Variants in MYOZ2 observed in about 807,000 individuals in gnomAD.
The protein encoded by MYOZ2 is myozenin-2.
A neutral mutation model predicts 25.4 loss-of-function variants in MYOZ2; 19 were observed. That is an observed-to-expected ratio of 0.75 (90% confidence interval 0.52 to 1.10). The LOEUF (loss-of-function observed/expected upper bound fraction) is 1.10. Ranked by LOEUF, MYOZ2 falls within the 50% of genes least tolerant of loss-of-function variation. The pLI is 0.00. For missense variants in MYOZ2, 270 were observed against 317.9 expected, an observed-to-expected ratio of 0.85 and a Z score of 1.15; for synonymous variants, 92 against 106.9, an observed-to-expected ratio of 0.86 and a Z score of 0.86.
In MYOZ2 at chr4:119,136,523, A is replaced by G. The variant is rs372377840; in HGVS notation, c.-3A>G. On this transcript the variant is annotated 5_prime_UTR_variant, in exon 2 of 6. Transcript: ENST00000307128. ...TTTGTTTTTAACAGGGAACAAAAAA[A>G]CCATGCTATCACATAATACTATGAT... 5 of 1,613,284 alleles carry G rather than the reference A, an allele frequency of 3.1e-6. No homozygotes were observed.
At chr4:119,146,585 C>G (rs1014091570) in intron 2 of MYOZ2, among the ~76,000 whole-genome samples, 3 of 152,052 alleles carry the variant, frequency 2.0e-5, no homozygotes, top group Admixed American at 2.0e-4. Flanking sequence ...GTGATCAGCG[C>G]TAACAATCTG....
chr4:119,140,718 T>C (rs1741143655), intron 2 of MYOZ2, among the ~76,000 whole-genome samples: 1 of 152,228 alleles, frequency 6.6e-6, no homozygotes, highest in Non-Finnish European at 1.5e-5. Flanking sequence ...TTCACTCAAA[T>C]ATGTTTTAGA....
At chr4:119,156,015 T>C (rs1741566001) in intron 3 of MYOZ2, among the ~76,000 whole-genome samples, 1 of 152,124 alleles carries the variant, frequency 6.6e-6, no homozygotes, top group Admixed American at 6.6e-5. Context: ...AAAAGACATA[T>C]GGGCAAAATG....
intron 2 of MYOZ2, among the ~76,000 whole-genome samples, chr4:119,145,220 T>G (rs1166862232): frequency 6.6e-6 from 1 of 152,180 alleles, no homozygotes; most frequent in Admixed American, 6.5e-5. Flanking sequence ...GCTCATGATA[T>G]AAAATTCTTT....
intron 3 of MYOZ2, among the ~76,000 whole-genome samples, chr4:119,152,759 G>C (rs1741482012): frequency 6.6e-6 from 1 of 151,976 alleles, no homozygotes; most frequent in East Asian, 1.9e-4. Flanking sequence ...AAAGCAATAA[G>C]CAATAATAAT....
At chr4:119,174,293 G>T (rs1375793611) in intron 5 of MYOZ2, among the ~76,000 whole-genome samples, 1 of 152,156 alleles carries the variant, frequency 6.6e-6, no homozygotes, top group African/African-American at 2.4e-5. Flanking sequence ...CTAGCTCAGG[G>T]ATTGTAAATG....
intron 3 of MYOZ2, among the ~76,000 whole-genome samples, chr4:119,151,302 G>A (rs1741445874): frequency 6.6e-6 from 1 of 152,158 alleles, no homozygotes. Context: ...CCACTAAGAG[G>A]AGGGAGAGGG....
chr4:119,142,343 A>C (rs986209947), intron 2 of MYOZ2, among the ~76,000 whole-genome samples: 3 of 152,216 alleles, frequency 2.0e-5, no homozygotes, highest in African/African-American at 7.2e-5. Context: ...TGAACTTGCT[A>C]TTTTGAATCC....
At chr4:119,169,228 G>A (rs1331232404) in intron 5 of MYOZ2, among the ~76,000 whole-genome samples, 1 of 152,210 alleles carries the variant, frequency 6.6e-6, no homozygotes, top group Non-Finnish European at 1.5e-5. Context: ...ATAGATAGTT[G>A]ATGGACTACA....
chr4:119,148,892 G>T (rs1447159718), intron 2 of MYOZ2, among the ~76,000 whole-genome samples: 4 of 151,018 alleles, frequency 2.6e-5, no homozygotes, highest in Non-Finnish European at 4.4e-5. Flanking sequence ...TAATATCTCA[G>T]TCATCCCAGT....
At chr4:119,164,987 T>C (rs918359918) in intron 5 of MYOZ2, among the ~76,000 whole-genome samples, 2 of 151,690 alleles carry the variant, frequency 1.3e-5, no homozygotes, top group Non-Finnish European at 1.5e-5. Context: ...ATAATTTCCA[T>C]GGATATTTTG....
intron 5 of MYOZ2, among the ~76,000 whole-genome samples, chr4:119,175,010 A>C (rs1742032257): frequency 1.3e-5 from 2 of 152,052 alleles, no homozygotes; most frequent in African/African-American, 4.8e-5. Context: ...ACCCACCAGA[A>C]GGAAGAAACT....
At chr4:119,180,310 C>T (rs1271113231) in intron 5 of MYOZ2, among the ~76,000 whole-genome samples, 1 of 152,176 alleles carries the variant, frequency 6.6e-6, no homozygotes, top group African/African-American at 2.4e-5. Flanking sequence ...GATCAGTCAA[C>T]TGTATATATG....
chr4:119,174,486 A>C (rs1742013392), intron 5 of MYOZ2, among the ~76,000 whole-genome samples: 1 of 151,932 alleles, frequency 6.6e-6, no homozygotes, highest in East Asian at 1.9e-4. Flanking sequence ...CCCTGTGTTT[A>C]GCTTAGGGTT....
intron 2 of MYOZ2, among the ~76,000 whole-genome samples, chr4:119,140,218 A>C (rs1462794745): frequency 6.6e-6 from 1 of 152,194 alleles, no homozygotes; most frequent in East Asian, 1.9e-4. Context: ...TATTGACATA[A>C]ATTGCAAGGA....
chr4:119,174,978 T>C (rs751344945), intron 5 of MYOZ2, among the ~76,000 whole-genome samples: 6 of 151,798 alleles, frequency 4.0e-5, no homozygotes, highest in Non-Finnish European at 7.4e-5. Flanking sequence ...GCAGCTTCAC[T>C]CCTGAGCCAG....
chr4:119,166,164 T>C (rs1033894788), intron 5 of MYOZ2, among the ~76,000 whole-genome samples: 1 of 152,168 alleles, frequency 6.6e-6, no homozygotes, highest in Non-Finnish European at 1.5e-5. Context: ...TTCAACATGA[T>C]AGTATATTCT....
At chr4:119,185,797 C>T (rs933618600) in intron 5 of MYOZ2, among the ~76,000 whole-genome samples, 169 bp from the exon 6 acceptor site, 11 of 152,076 alleles carry the variant, frequency 7.2e-5, no homozygotes, top group Admixed American at 4.6e-4. Flanking sequence ...AGTAGAAATG[C>T]TTGCCTCAGA....
chr4:119,162,945 T>C (rs1741743011), intron 4 of MYOZ2, among the ~76,000 whole-genome samples: 1 of 152,226 alleles, frequency 6.6e-6, no homozygotes, highest in Admixed American at 6.5e-5. Context: ...TCATTTATTT[T>C]GATAAATATA....
Sources: allele counts gnomAD v4.1 joint callset (sites outside exome capture counted in the v4.1 genomes callset), GRCh38; gene constraint gnomAD v4.1.1; transcripts MANE v1.5; gene names NCBI Gene and HGNC (gene_info 2026-07-23, HGNC 2026-07-21).